MYLK: variants seen among roughly 807,000 people sequenced by gnomAD.
The protein encoded by MYLK is myosin light chain kinase, also known as myosin light chain kinase, smooth muscle.
Under a neutral mutation model 203.4 loss-of-function variants are expected in MYLK, and 106 were observed. The observed-to-expected ratio is 0.52, with a 90% CI of 0.45 to 0.61. The LOEUF (loss-of-function observed/expected upper bound fraction) is 0.61. Among genes scored for constraint, MYLK ranks in the 20% least tolerant of loss-of-function variants. The pLI, the probability that MYLK is intolerant of heterozygous loss-of-function variation, is 0.00. For synonymous variants in MYLK, 867 were observed against 959.5 expected (o/e 0.90, Z 1.78); for missense variants, 2,072 against 2,442.3 (o/e 0.85, Z 3.20).
chr3:123,810,661 G>A (rs2065528197), intron 3 of MYLK, among the ~76,000 whole-genome samples: 1 of 152,214 alleles, frequency 6.6e-6, no homozygotes, highest in African/African-American at 2.4e-5. Context: ...GTGCTCCTCA[G>A]GTAGGCAGGT....
chr3:123,812,109 T>C (rs1444379651), intron 3 of MYLK, among the ~76,000 whole-genome samples: 1 of 152,188 alleles, frequency 6.6e-6, no homozygotes, highest in African/African-American at 2.4e-5. Flanking sequence ...GAGTCAGCGA[T>C]AGAGATTCAG....
At chr3:123,861,787 G>T (rs185337042) in intron 2 of MYLK, among the ~76,000 whole-genome samples, 6 of 152,244 alleles carry the variant, frequency 3.9e-5, no homozygotes, top group Admixed American at 3.3e-4. Flanking sequence ...TATGGAGAGT[G>T]GACTGGACTC....
intron 24 of MYLK, among the ~76,000 whole-genome samples, chr3:123,656,060 C>T (rs929669586): frequency 2.6e-5 from 4 of 152,146 alleles, no homozygotes; most frequent in Non-Finnish European, 5.9e-5. Flanking sequence ...AAGTTCGTGC[C>T]CTTTCCATCC....
At chr3:123,796,473 GC>G (rs571930081) in intron 3 of MYLK, among the ~76,000 whole-genome samples, 70 of 152,126 alleles carry the variant, frequency 4.6e-4, no homozygotes, top group Admixed American at 9.2e-4. Flanking sequence ...GTTGAGAGCC[GC>G]TACCACATAT....
chr3:123,638,409 C>T (rs2058720547), intron 28 of MYLK, among the ~76,000 whole-genome samples: 1 of 151,968 alleles, frequency 6.6e-6, no homozygotes. Context: ...CTCAAATGTC[C>T]TGTGCAGGGT....
At chr3:123,809,108 G>C (rs2065468398) in intron 3 of MYLK, among the ~76,000 whole-genome samples, 3 of 152,186 alleles carry the variant, frequency 2.0e-5, no homozygotes, top group Admixed American at 2.0e-4. Flanking sequence ...CACCTTCTCA[G>C]TCTATAGATA....
At chr3:123,649,116 C>T (rs1430168494) in intron 25 of MYLK, 46 bp downstream of exon 25, 1 of 1,613,940 alleles carries the variant, frequency 6.2e-7, no homozygotes, top group Admixed American at 1.7e-5. Context: ...CCCACTCAGC[C>T]CCCTCCACCC....
chr3:123,822,304 G>A (rs2065964031), intron 3 of MYLK, among the ~76,000 whole-genome samples: 2 of 152,282 alleles, frequency 1.3e-5, no homozygotes, highest in South Asian at 4.1e-4. Flanking sequence ...AGACCCTCAG[G>A]CCTGGGTACT....
chr3:123,647,402 G>T lies in MYLK; in HGVS notation c.4441C>A (p.Leu1481Ile). 2 of 1,614,210 alleles carry T rather than the reference G, an allele frequency of 1.2e-6. No homozygotes were observed. The highest frequency in any genetic ancestry group is 1.7e-6 in the Non-Finnish European group (2 of 1,180,036). Residue 1481 changes from leucine to isoleucine, a missense_variant, in exon 27 of 34, where the codon CTT becomes ATT. By Grantham distance (5) the Leu-to-Ile change is conservative. This residue lies in a region of MYLK where 524 missense variants were observed against 782.4 expected (regional missense o/e 0.67). Coordinates refer to ENST00000360304, the MANE Select transcript of MYLK (RefSeq NM_053025.4). ...ACTTTTCGAGTTTTCTTTTCTACAAGTCGAAAGACCTGTCCAAATTTCCCA... is the reference window on the plus strand; with the variant it reads ...ACTTTTCGAGTTTTCTTTTCTACAATTCGAAAGACCTGTCCAAATTTCCCA... ...GSGKFGQVFR[L>I]VEKKTRKVWA...
At chr3:123,682,961 C>T (rs375354221) in intron 19 of MYLK, among the ~76,000 whole-genome samples, 7 of 152,208 alleles carry the variant, frequency 4.6e-5, no homozygotes, top group South Asian at 4.1e-4. Flanking sequence ...AGATGCTGGG[C>T]GGTGCCTGCC....
At chr3:123,695,187 G>C (rs1230873411) in intron 18 of MYLK, among the ~76,000 whole-genome samples, 1 of 152,208 alleles carries the variant, frequency 6.6e-6, no homozygotes, top group Non-Finnish European at 1.5e-5. Context: ...CACCTGGCAA[G>C]CCCAGACAGT....
intron 27 of MYLK, 94 bp downstream of exon 27, chr3:123,647,130 C>A: frequency 8.6e-7 from 1 of 1,159,386 alleles, no homozygotes; most frequent in Admixed American, 1.9e-5. Flanking sequence ...CAGTGCTTTC[C>A]ATCTTGGGGC....
chr3:123,668,256 G>A (rs968635844), intron 20 of MYLK, among the ~76,000 whole-genome samples: 4 of 152,144 alleles, frequency 2.6e-5, no homozygotes, highest in Non-Finnish European at 5.9e-5. Flanking sequence ...ATTTGCAGTG[G>A]CCTTATTCAT....
At chr3:123,864,836 T>C (rs188480627) in intron 2 of MYLK, among the ~76,000 whole-genome samples, 1 of 152,156 alleles carries the variant, frequency 6.6e-6, no homozygotes, top group Non-Finnish European at 1.5e-5. Flanking sequence ...AGCCCAGGAG[T>C]TCGAGACTGC....
chr3:123,682,482 G>C (rs904349476), intron 19 of MYLK, among the ~76,000 whole-genome samples, 172 bp from the exon 20 acceptor site: 3 of 152,236 alleles, frequency 2.0e-5, no homozygotes, highest in Non-Finnish European at 4.4e-5. Flanking sequence ...CTCTCCATGA[G>C]AGCATCAAAG....
rs753904802 is a variant in MYLK, at chr3:123,663,142, GAAC to G, written c.3985+960_3985+962del. ...CTGTCCCAAGCACCTGCCACACGGG[GAAC>G]AACTGGAGCAGAACATGACAACAGC... is the stretch of plus-strand genomic sequence containing the variant. On this transcript the variant is annotated intron_variant, in intron 23 of 33. Transcript: ENST00000360304. Among the ~76,000 whole-genome samples the G allele has an allele frequency of 7.2e-5, 11 of 152,276 alleles. No individual in the cohort carries two copies. In the East Asian group the frequency reaches 2.1e-3, roughly 29 times the overall value.
chr3:123,733,536 G>C, intron 10 of MYLK, 151 bp downstream of exon 10: 1 of 911,900 alleles, frequency 1.1e-6, no homozygotes. Context: ...CACTCCTAAG[G>C]GGAAGGCCCT....
In MYLK at chr3:123,722,240, G is replaced by A. The variant is rs1443517334; in HGVS notation, c.1692C>T (p.Gly564=). The A allele has an allele frequency of 3.8e-6, 6 of 1,566,172 alleles. No individual in the cohort carries two copies. Among genetic ancestry groups the A allele is most frequent in the South Asian group, 1.2e-5 (1 of 84,856 alleles). The change falls in exon 13 of 34, where the codon GGC becomes GGT. Residue 564 remains glycine, a synonymous_variant. Coordinates refer to ENST00000360304, the MANE Select transcript of MYLK (RefSeq NM_053025.4). ...CATCCTGGATGTGGAGCTCAGCCAC[G>A]CCGGCCTCGCAGGTGGAGCGAGCGT... ...IQYARSTCEA[G]VAELHIQDAL...
intron 3 of MYLK, among the ~76,000 whole-genome samples, chr3:123,796,369 G>T (rs1158097150): frequency 6.6e-6 from 1 of 152,156 alleles, no homozygotes; most frequent in Non-Finnish European, 1.5e-5. Flanking sequence ...CGCCAGAGCT[G>T]CTATTCTTAA....
Sources: allele counts gnomAD v4.1 joint callset (sites outside exome capture counted in the v4.1 genomes callset), GRCh38; gene constraint gnomAD v4.1.1; regional missense constraint gnomAD v4.1.1; transcripts MANE v1.5; gene names NCBI Gene and HGNC (gene_info 2026-07-23, HGNC 2026-07-21).